WASF1: variants seen among roughly 807,000 people sequenced by gnomAD.
The protein encoded by WASF1 is WASP family member 1, also known as actin-binding protein WASF1.
A neutral mutation model predicts 50.5 loss-of-function variants in WASF1; 7 were observed. The ratio of observed to expected loss-of-function variants is 0.14; its 90% CI spans 0.08 to 0.26. The LOEUF (loss-of-function observed/expected upper bound fraction) is 0.26, where lower values mean the gene tolerates loss of function less well. WASF1 is among the 10% of genes least tolerant of loss of function. The pLI is 1.00. For missense variants in WASF1, 470 were observed against 694.7 expected (o/e 0.68, Z 3.64); for synonymous variants, 205 against 244.0 (o/e 0.84, Z 1.49).
intron 2 of WASF1, among the ~76,000 whole-genome samples, chr6:110,171,355 A>C (rs1346058551): frequency 6.6e-6 from 1 of 152,152 alleles, no homozygotes; most frequent in East Asian, 1.9e-4. Flanking sequence ...GTCTCAAGAG[A>C]AATTTTTTAA....
chr6:110,175,235 A>T (rs1467993231), intron 2 of WASF1, among the ~76,000 whole-genome samples: 2 of 152,164 alleles, frequency 1.3e-5, no homozygotes, highest in African/African-American at 4.8e-5. Context: ...TCTTCAAAGT[A>T]TGAATAAAAT....
intron 2 of WASF1, among the ~76,000 whole-genome samples, chr6:110,167,700 C>T (rs75874053): frequency 0.071 from 10,742 of 151,910 alleles, 505 homozygotes; most frequent in African/African-American, 0.14. Context: ...TAAGGTCAAC[C>T]ATAGATAATT....
intron 3 of WASF1, among the ~76,000 whole-genome samples, chr6:110,137,517 G>A (rs1040654490): frequency 1.4e-4 from 21 of 152,188 alleles, no homozygotes; most frequent in Admixed American, 4.6e-4. Flanking sequence ...CCTCAGTCAC[G>A]TGACAGGCAG....
At chr6:110,114,557 A>C (rs931734497) in intron 4 of WASF1, among the ~76,000 whole-genome samples, 3 of 152,198 alleles carry the variant, frequency 2.0e-5, no homozygotes, top group African/African-American at 7.2e-5. Context: ...GAAAGCATAC[A>C]TACAGACTCT....
intron 3 of WASF1, among the ~76,000 whole-genome samples, chr6:110,153,202 C>T (rs868549459): frequency 6.6e-6 from 1 of 152,064 alleles, no homozygotes; most frequent in East Asian, 1.9e-4. Flanking sequence ...TTGGGTTATA[C>T]GTTTAGCTTT....
intron 2 of WASF1, among the ~76,000 whole-genome samples, chr6:110,163,574 A>G (rs1319263473): frequency 1.3e-5 from 2 of 151,552 alleles, no homozygotes; most frequent in Non-Finnish European, 3.0e-5. Context: ...ATGTCATCAT[A>G]TGAATTTGGG....
At chr6:110,106,660 C>G (rs1046359665) in intron 7 of WASF1, among the ~76,000 whole-genome samples, 2 of 152,186 alleles carry the variant, frequency 1.3e-5, no homozygotes, top group Non-Finnish European at 2.9e-5. Flanking sequence ...TCTGTAGCAA[C>G]AAAATACTAG....
intron 3 of WASF1, among the ~76,000 whole-genome samples, chr6:110,149,172 G>A (rs1775711493): frequency 6.6e-6 from 1 of 152,154 alleles, no homozygotes; most frequent in South Asian, 2.1e-4. Flanking sequence ...AATTGAGAAA[G>A]CAAGAGAACA....
At chr6:110,149,799 C>T (rs976448021) in intron 3 of WASF1, among the ~76,000 whole-genome samples, 2 of 152,090 alleles carry the variant, frequency 1.3e-5, no homozygotes, top group East Asian at 1.9e-4. Context: ...TTATGGTACA[C>T]CCATCACCTG....
chr6:110,142,801 C>T (rs1384617396), intron 3 of WASF1, among the ~76,000 whole-genome samples: 1 of 151,486 alleles, frequency 6.6e-6, no homozygotes, highest in South Asian at 2.1e-4. Flanking sequence ...TCTTTTAATC[C>T]ATCAGTGCCT....
intron 4 of WASF1, among the ~76,000 whole-genome samples, chr6:110,116,817 A>AG (rs1773834164): frequency 6.6e-6 from 1 of 152,120 alleles, no homozygotes; most frequent in Non-Finnish European, 1.5e-5. Flanking sequence ...CTCTGGGATG[A>AG]AGCTTCCAGA....
rs143770307 is a variant in WASF1, at chr6:110,173,564, G to A, written c.-127+5034C>T. 1.4e-4 allele frequency among the ~76,000 whole-genome samples: 21 copies of A among 152,250 alleles called. No individual in the cohort carries two copies. In the East Asian group the frequency reaches 4.1e-3, roughly 29 times the overall value. ...TATGAGAGGACTCAGTTTGCTGGTT[G>A]ACAAGTACCACAAATACAATTCTAA... On this transcript the variant is annotated intron_variant, in intron 2 of 10. Transcript: ENST00000392589.
chr6:110,130,299 C>G (rs1169582856), intron 3 of WASF1, among the ~76,000 whole-genome samples: 3 of 152,140 alleles, frequency 2.0e-5, no homozygotes, highest in African/African-American at 7.2e-5. Flanking sequence ...TTGCCTGTAC[C>G]AATTGCCAGA....
At chr6:110,149,340 G>A (rs1375782898) in intron 3 of WASF1, among the ~76,000 whole-genome samples, 1 of 151,876 alleles carries the variant, frequency 6.6e-6, no homozygotes, top group East Asian at 1.9e-4. Flanking sequence ...TCTATGCCCT[G>A]TAACTTCAGT....
chr6:110,138,509 A>T (rs879847714), intron 3 of WASF1, among the ~76,000 whole-genome samples: 1 of 152,246 alleles, frequency 6.6e-6, no homozygotes, highest in Non-Finnish European at 1.5e-5. Context: ...AGAATGAAGC[A>T]TGTGAAGAGG....
intron 8 of WASF1, among the ~76,000 whole-genome samples, chr6:110,104,218 T>C (rs1773217516): frequency 6.6e-6 from 1 of 152,152 alleles, no homozygotes; most frequent in Admixed American, 6.5e-5. Context: ...GCTAGTACAT[T>C]CTTGGGAAAA....
At chr6:110,118,060 G>A (rs1773891244) in intron 4 of WASF1, among the ~76,000 whole-genome samples, 1 of 152,022 alleles carries the variant, frequency 6.6e-6, no homozygotes, top group African/African-American at 2.4e-5. Flanking sequence ...TGCAAAACAT[G>A]CCAAATGGTA....
At chr6:110,134,667 C>G (rs1583975453) in intron 3 of WASF1, among the ~76,000 whole-genome samples, 2 of 152,220 alleles carry the variant, frequency 1.3e-5, no homozygotes, top group East Asian at 1.9e-4. Flanking sequence ...CTCAGGTGAT[C>G]TGCCTGCCTC....
intron 8 of WASF1, among the ~76,000 whole-genome samples, chr6:110,103,835 G>T (rs1773201953): frequency 6.6e-6 from 1 of 152,166 alleles, no homozygotes; most frequent in South Asian, 2.1e-4. Context: ...AGGATGAAAA[G>T]CATTACGTAC....
Sources: allele counts gnomAD v4.1 joint callset (sites outside exome capture counted in the v4.1 genomes callset), GRCh38; gene constraint gnomAD v4.1.1; transcripts MANE v1.5; gene names NCBI Gene and HGNC (gene_info 2026-07-23, HGNC 2026-07-21).